LOC728743: variants seen among roughly 807,000 people sequenced by gnomAD.
the LOC728743 span, among the ~76,000 whole-genome samples, chr7:150,409,173 C>G: frequency 1.4e-5 from 2 of 147,488 alleles, no homozygotes; most frequent in Non-Finnish European, 3.0e-5. Flanking sequence ...CAGTGACTGT[C>G]TCCAGGTGTC....
chr7:150,409,653 T>C, the LOC728743 span, among the ~76,000 whole-genome samples: 1 of 151,934 alleles, frequency 6.6e-6, no homozygotes, highest in Admixed American at 6.5e-5. Flanking sequence ...TTTGGGGCCA[T>C]GTGATAGGAG....
chr7:150,407,471 G>A, the LOC728743 span: 49 of 397,434 alleles, frequency 1.2e-4, no homozygotes, highest in Middle Eastern at 1.2e-3. Flanking sequence ...GGGGCGAAAG[G>A]TGGAGGTTGT....
At chr7:150,400,778 C>A in the LOC728743 span, 15 of 152,222 alleles carry the variant, frequency 9.9e-5, no homozygotes, top group Non-Finnish European at 2.1e-4. Flanking sequence ...AAATGATAAA[C>A]CTGGGTCAGA....
At chr7:150,409,143 G>GT in the LOC728743 span, among the ~76,000 whole-genome samples, 1 of 144,100 alleles carries the variant, frequency 6.9e-6, no homozygotes, top group Non-Finnish European at 1.5e-5. Context: ...GTTTTCAAGG[G>GT]AGGGGGGGTC....
the LOC728743 span, chr7:150,401,021 T>C: frequency 1.3e-5 from 2 of 152,340 alleles, no homozygotes; most frequent in South Asian, 4.1e-4. Context: ...AGTGCAGGTC[T>C]GCAGTGGGGA....
At chr7:150,404,385 G>C in the LOC728743 span, 1 of 152,266 alleles carries the variant, frequency 6.6e-6, no homozygotes, top group Middle Eastern at 3.4e-3. Context: ...CTGGGCCACG[G>C]TGCTGGGTCA....
chr7:150,402,522 G>A, the LOC728743 span, among the ~76,000 whole-genome samples: 1 of 152,252 alleles, frequency 6.6e-6, no homozygotes, highest in African/African-American at 2.4e-5. Context: ...GACATCGACT[G>A]AGGACCTATT....
chr7:150,407,644 C>G, the LOC728743 span: 1 of 398,934 alleles, frequency 2.5e-6, no homozygotes, highest in Non-Finnish European at 4.4e-6. Flanking sequence ...GGGGCGGGTC[C>G]CCTGCGGGGG....
the LOC728743 span, among the ~76,000 whole-genome samples, chr7:150,401,925 T>TTG: frequency 6.6e-6 from 1 of 152,226 alleles, no homozygotes; most frequent in African/African-American, 2.4e-5. Flanking sequence ...GAAACATTGT[T>TTG]TCTTTTCCCT....
At chr7:150,407,639 G>A in the LOC728743 span, 55 of 399,016 alleles carry the variant, frequency 1.4e-4, no homozygotes, top group Admixed American at 7.0e-4. Flanking sequence ...CTCCGGGGGC[G>A]GGTCCCCTGC....
chr7:150,410,929 C>T, the LOC728743 span: 1 of 152,400 alleles, frequency 6.6e-6, no homozygotes, highest in African/African-American at 2.4e-5. Context: ...AGCCTCCTTC[C>T]CTTGTTCAGG....
At chr7:150,405,514 CGCTGCGGCCGTGGGGGGT>C in the LOC728743 span, 1 of 140,306 alleles carries the variant, frequency 7.1e-6, no homozygotes, top group Admixed American at 7.5e-5. Flanking sequence ...CGCGGGGGGG[CGCTGCGGCCGTGGGGGGT>C]GGGCTGCATT....
the LOC728743 span, among the ~76,000 whole-genome samples, chr7:150,406,336 A>G: frequency 2.0e-5 from 3 of 152,066 alleles, no homozygotes; most frequent in Admixed American, 6.5e-5. Context: ...CAGGAGCCCA[A>G]GTTTTGGTGG....
At chr7:150,401,809 G>A in the LOC728743 span, among the ~76,000 whole-genome samples, 1 of 152,190 alleles carries the variant, frequency 6.6e-6, no homozygotes, top group African/African-American at 2.4e-5. Context: ...GTACGGCTGA[G>A]GAACTGAACT....
the LOC728743 span, chr7:150,410,120 G>A: frequency 2.5e-6 from 1 of 398,746 alleles, no homozygotes; most frequent in Non-Finnish European, 4.4e-6. Context: ...CCATGTCACG[G>A]CTCCACACCT....
chr7:150,403,596 G>A, the LOC728743 span, among the ~76,000 whole-genome samples: 28 of 152,338 alleles, frequency 1.8e-4, no homozygotes, highest in Non-Finnish European at 3.4e-4. The surrounding 1 kb of genome is among the most constrained non-coding windows in gnomAD (Gnocchi z 5.1). Flanking sequence ...TGGAGGCACG[G>A]GTGGGGTTGG....
At chr7:150,406,407 CAT>C in the LOC728743 span, among the ~76,000 whole-genome samples, 2 of 152,094 alleles carry the variant, frequency 1.3e-5, no homozygotes, top group Admixed American at 1.3e-4. Context: ...CTTTGGAATG[CAT>C]GGCTCTGTGA....
the LOC728743 span, among the ~76,000 whole-genome samples, chr7:150,403,877 C>T: frequency 1.4e-4 from 22 of 152,314 alleles, no homozygotes; most frequent in African/African-American, 4.3e-4. The surrounding 1 kb of genome is among the most constrained non-coding windows in gnomAD (Gnocchi z 5.1). Context: ...GTCCTCCAAG[C>T]GAGCTGTGAA....
the LOC728743 span, among the ~76,000 whole-genome samples, chr7:150,403,341 G>A: frequency 1.5e-4 from 23 of 152,154 alleles, no homozygotes; most frequent in African/African-American, 4.3e-4. The surrounding 1 kb of genome is among the most constrained non-coding windows in gnomAD (Gnocchi z 5.1). Flanking sequence ...GGTACTGCCC[G>A]TGTCTGTGTC....
Sources: allele counts gnomAD v4.1 joint callset (sites outside exome capture counted in the v4.1 genomes callset), GRCh38; gene constraint gnomAD v4.1.1; non-coding constraint Gnocchi (gnomAD v3.1); transcripts MANE v1.5.